The following KIAA0825 variants were observed in gnomAD, a reference collection of about 807,000 sequenced individuals.
The protein encoded by KIAA0825 is uncharacterized protein KIAA0825.
KIAA0825 carries 119 observed loss-of-function variants against 147.6 expected under a neutral mutation model. The observed-to-expected ratio is 0.81, with a 90% CI of 0.69 to 0.94. KIAA0825 has a LOEUF of 0.94. Among genes scored for constraint, KIAA0825 ranks in the 40% least tolerant of loss-of-function variants. The pLI is 0.00. For missense variants in KIAA0825, 1,381 were observed against 1,472.7 expected, an observed-to-expected ratio of 0.94 and a Z score of 1.02; for synonymous variants, 470 against 518.1, an observed-to-expected ratio of 0.91 and a Z score of 1.26.
intron 20 of KIAA0825, among the ~76,000 whole-genome samples, chr5:94,366,617 C>G (rs1745891586): frequency 6.6e-6 from 1 of 152,134 alleles, no homozygotes; most frequent in Non-Finnish European, 1.5e-5. Flanking sequence ...GTGTTCCAGG[C>G]CTTGTACTAA....
At chr5:94,451,977 T>C (rs1758473016) in intron 13 of KIAA0825, among the ~76,000 whole-genome samples, 1 of 152,242 alleles carries the variant, frequency 6.6e-6, no homozygotes, top group African/African-American at 2.4e-5. Context: ...AATATATTTA[T>C]GGGCAAGATG....
intron 14 of KIAA0825, among the ~76,000 whole-genome samples, chr5:94,421,440 T>C (rs1331698507): frequency 1.3e-5 from 2 of 152,188 alleles, no homozygotes; most frequent in African/African-American, 4.8e-5. Flanking sequence ...ACCTTTCTCT[T>C]TTATGCTCAT....
intron 20 of KIAA0825, among the ~76,000 whole-genome samples, chr5:94,179,250 C>A (rs1319026702): frequency 1.3e-5 from 2 of 152,082 alleles, no homozygotes; most frequent in African/African-American, 4.8e-5. Flanking sequence ...GAACTGTACA[C>A]ACACAGAGTG....
rs186147765 is a variant in KIAA0825 at position 94,556,155 on chromosome 5, C to T, written c.-1-19028G>A. Among the ~76,000 whole-genome samples, 541 of 151,862 alleles carry T rather than the reference C, an allele frequency of 3.6e-3. 3 individuals are homozygous for T. Among genetic ancestry groups the T allele is most frequent in the African/African-American group, 0.012 (492 of 41,394 alleles). ...GTAACCTCCGCCTCCTGGATTCGAG[C>T]GATTCTCCTGCCTCAGCCTCCCTAG... On this transcript the variant is annotated intron_variant, in intron 2 of 20. Transcript: ENST00000682413.
At chr5:94,193,770 A>G (rs920229503) in intron 20 of KIAA0825, among the ~76,000 whole-genome samples, 4 of 152,214 alleles carry the variant, frequency 2.6e-5, no homozygotes, top group Non-Finnish European at 5.9e-5. Flanking sequence ...AGGAAATGGA[A>G]GAGACTGGAT....
At chr5:94,472,202 G>A (rs1190857903) in intron 8 of KIAA0825, among the ~76,000 whole-genome samples, 1 of 152,104 alleles carries the variant, frequency 6.6e-6, no homozygotes, top group Non-Finnish European at 1.5e-5. Flanking sequence ...TAATTTAGAA[G>A]AATCAGAAAC....
intron 2 of KIAA0825, among the ~76,000 whole-genome samples, chr5:94,546,385 G>T (rs1388530019): frequency 3.3e-5 from 5 of 152,120 alleles, no homozygotes; most frequent in African/African-American, 1.2e-4. Flanking sequence ...GTGATAACCA[G>T]TTAGTGGTTA....
intron 20 of KIAA0825, among the ~76,000 whole-genome samples, chr5:94,171,908 C>T (rs1448321319): frequency 1.3e-5 from 2 of 151,960 alleles, no homozygotes; most frequent in Non-Finnish European, 2.9e-5. Flanking sequence ...CAGAAGGATC[C>T]TTAAGACATC....
intron 5 of KIAA0825, among the ~76,000 whole-genome samples, chr5:94,491,025 T>C (rs1043933061): frequency 1.3e-5 from 2 of 152,114 alleles, no homozygotes; most frequent in Non-Finnish European, 1.5e-5. Flanking sequence ...AGAATTCTTA[T>C]TAATAATAGT....
At chr5:94,379,424 T>A (rs1294628787) in intron 20 of KIAA0825, among the ~76,000 whole-genome samples, 1 of 152,220 alleles carries the variant, frequency 6.6e-6, no homozygotes, top group African/African-American at 2.4e-5. Flanking sequence ...TCTGTGGCAT[T>A]ATTTCTAGGC....
intron 20 of KIAA0825, among the ~76,000 whole-genome samples, chr5:94,231,150 C>T (rs1373389228): frequency 6.6e-6 from 1 of 152,070 alleles, no homozygotes; most frequent in Non-Finnish European, 1.5e-5. Flanking sequence ...GGAAAGACTG[C>T]ATAATTTTTA....
chr5:94,510,970 G>C lies in KIAA0825; in HGVS notation c.970+9278C>G, dbSNP rs1339054939. Among the ~76,000 whole-genome samples the C allele has an allele frequency of 3.3e-5, 5 of 152,150 alleles. No individual in the cohort carries two copies. In the South Asian group the frequency reaches 6.2e-4, roughly 19 times the overall value. On this transcript the variant is annotated intron_variant, in intron 5 of 20. Transcript: ENST00000682413. ...GTTTGTGTCACTCCAAAATTCTTAT[G>C]TTAAAATCCTAAGCCCCAAGGTGGT...
intron 20 of KIAA0825, among the ~76,000 whole-genome samples, chr5:94,365,299 C>A (rs1215117836): frequency 1.3e-5 from 2 of 152,176 alleles, no homozygotes; most frequent in Non-Finnish European, 2.9e-5. Context: ...CCTCAATTCC[C>A]TTGGCGTGAG....
At chr5:94,527,185 T>C (rs1230584588) in intron 3 of KIAA0825, among the ~76,000 whole-genome samples, 1 of 152,090 alleles carries the variant, frequency 6.6e-6, no homozygotes, top group Non-Finnish European at 1.5e-5. Flanking sequence ...TATGTATATA[T>C]GCACCAGCTT....
intron 20 of KIAA0825, among the ~76,000 whole-genome samples, chr5:94,168,925 C>T (rs545017921): frequency 6.6e-6 from 1 of 152,126 alleles, no homozygotes; most frequent in Non-Finnish European, 1.5e-5. Context: ...TTAAAAGATA[C>T]TTAAACTGTG....
At chr5:94,575,176 T>TA (rs997487478) in intron 2 of KIAA0825, among the ~76,000 whole-genome samples, 7 of 152,130 alleles carry the variant, frequency 4.6e-5, no homozygotes, top group African/African-American at 1.7e-4. Context: ...ATCCTGTACA[T>TA]AAGAGGGAGT....
At chr5:94,534,358 A>T (rs1340917619) in intron 3 of KIAA0825, among the ~76,000 whole-genome samples, 1 of 152,190 alleles carries the variant, frequency 6.6e-6, no homozygotes. Flanking sequence ...TTATTTTAAA[A>T]AATATATATA....
chr5:94,557,140 G>T (rs1776682053), intron 2 of KIAA0825, among the ~76,000 whole-genome samples: 3 of 152,000 alleles, frequency 2.0e-5, no homozygotes, highest in South Asian at 2.1e-4. Flanking sequence ...TTGAGATAGG[G>T]TCTGGCTCTG....
At chr5:94,547,145 C>T (rs963840406) in intron 2 of KIAA0825, among the ~76,000 whole-genome samples, 2 of 151,214 alleles carry the variant, frequency 1.3e-5, no homozygotes, top group Non-Finnish European at 2.9e-5. Context: ...CAAAGACAGC[C>T]TATTTGAAAA....
Sources: allele counts gnomAD v4.1 joint callset (sites outside exome capture counted in the v4.1 genomes callset), GRCh38; gene constraint gnomAD v4.1.1; transcripts MANE v1.5; gene names NCBI Gene and HGNC (gene_info 2026-07-23, HGNC 2026-07-21).